PMVK: variants seen among roughly 807,000 people sequenced by gnomAD.
The protein encoded by PMVK is testis tissue sperm-binding protein Li 95mP.
PMVK carries 10 observed loss-of-function variants against 19.0 expected under a neutral mutation model. The ratio of observed to expected loss-of-function variants is 0.53; its 90% CI spans 0.32 to 0.89. PMVK has a LOEUF of 0.89. PMVK is among the 40% of genes least tolerant of loss of function. The pLI is 0.03. For synonymous variants in PMVK, 108 were observed against 101.6 expected (o/e 1.06, Z -0.38); for missense variants, 222 against 251.1 (o/e 0.88, Z 0.78).
At chr1:154,938,024 G>A (rs1326869921), upstream of PMVK, 1 of 152,102 alleles carries the variant, frequency 6.6e-6, no homozygotes, top group Non-Finnish European at 1.5e-5. Flanking sequence ...TATATGACAA[G>A]GTACAATAAA....
In PMVK at chr1:154,932,389, A is replaced by C. The variant is rs754788614; in HGVS notation, c.122T>G (p.Leu41Arg). The change falls in exon 2 of 5, where the codon CTC becomes CGC. Residue 41 changes from leucine to arginine, a missense_variant. Physicochemically the swap from Leu to Arg is moderately radical, Grantham distance 102. Coordinates refer to ENST00000368467, the MANE Select transcript of PMVK (RefSeq NM_006556.4). ...SRLGADVCAV[L>R]RLSGPLKEQY... is the part of the protein sequence containing the mutation. The stretch of plus-strand genomic sequence containing the variant: ...TTCCTTGAGTGGACCAGAGAGCCGG[A>C]GGACAGCACAGACATCAGCTCCAAG... 2.5e-6 allele frequency: 4 copies of C among 1,613,104 alleles called. No homozygotes were observed. The highest frequency in any genetic ancestry group is 3.4e-6 in the Non-Finnish European group (4 of 1,179,438).
intron 1 of PMVK, among the ~76,000 whole-genome samples, chr1:154,933,993 G>A (rs60445215): frequency 0.033 from 5,023 of 151,980 alleles, 84 homozygotes; most frequent in African/African-American, 0.044. Context: ...TACACTTAAC[G>A]CACAGGAAGA....
chr1:154,925,399 A>G, intron 4 of PMVK, 134 bp from the exon 5 acceptor site: 1 of 878,172 alleles, frequency 1.1e-6, no homozygotes, highest in Non-Finnish European at 1.8e-6. Context: ...CTACCCACCC[A>G]GAAGGCACCT....
chr1:154,926,592 A>G, intron 3 of PMVK, 109 bp from the exon 4 acceptor site: 1 of 849,712 alleles, frequency 1.2e-6, no homozygotes, highest in South Asian at 1.7e-5. Flanking sequence ...CTACCCCCCC[A>G]TCATCGTGAG....
intron 1 of PMVK, among the ~76,000 whole-genome samples, chr1:154,935,074 A>C (rs1227135263): frequency 6.6e-6 from 1 of 151,012 alleles, no homozygotes; most frequent in Non-Finnish European, 1.5e-5. Context: ...AAAAAAAAAA[A>C]AAAAAAAAAA....
chr1:154,939,883 G>A (rs1271827429), upstream of PMVK, among the ~76,000 whole-genome samples: 2 of 151,916 alleles, frequency 1.3e-5, no homozygotes, highest in Non-Finnish European at 2.9e-5. Context: ...TCCACCTTCA[G>A]CCTGCTGAGT....
chr1:154,928,542 T>G (rs1654239191), intron 3 of PMVK, among the ~76,000 whole-genome samples: 1 of 152,004 alleles, frequency 6.6e-6, no homozygotes, highest in Admixed American at 6.6e-5. Flanking sequence ...GAGGCCAAGG[T>G]GGGTGGATCA....
At chr1:154,928,901 A>G (rs1571379830) in intron 3 of PMVK, 123 bp downstream of exon 3, 1 of 926,130 alleles carries the variant, frequency 1.1e-6, no homozygotes, top group Non-Finnish European at 1.7e-6. Context: ...GGCTACTGCG[A>G]CTGTCCAGGC....
chr1:154,930,096 GAT>G (rs1238008768), intron 2 of PMVK, among the ~76,000 whole-genome samples: 3 of 152,194 alleles, frequency 2.0e-5, no homozygotes, highest in African/African-American at 7.2e-5. Flanking sequence ...GGGAGTGGGG[GAT>G]AGAGTGGTGC....
the PMVK span, among the ~76,000 whole-genome samples, chr1:154,942,287 C>T: frequency 6.6e-6 from 1 of 152,236 alleles, no homozygotes; most frequent in African/African-American, 2.4e-5. Context: ...ACAAGCTCCC[C>T]GAAGCCCTGC....
chr1:154,929,220 C>T, intron 2 of PMVK, 44 bp from the exon 3 acceptor site: 1 of 1,600,476 alleles, frequency 6.2e-7, no homozygotes, highest in Non-Finnish European at 8.6e-7. Context: ...CTTTCAACCT[C>T]AGTGGTCTCT....
rs191338203 is a variant in PMVK, at chr1:154,924,752, G to A, written c.*377C>T. 6.8e-4 allele frequency: 142 copies of A among 209,876 alleles called. No homozygotes were observed. The highest frequency in any genetic ancestry group is 1.1e-3 in the Non-Finnish European group (116 of 102,968). The allele number at this position is 209,876 out of a possible 1,614,324, so 13.0% of individuals were successfully genotyped here. A position where few individuals can be genotyped will look rare whatever the true frequency, so the allele number is the denominator to read the frequency against. Reference sequence around the variant, plus strand: ...GCAGCTCTGAGAGTGTGCTCCAAGAGGTTTATTAGTATCCACACTGGGGAG... The same window carrying A: ...GCAGCTCTGAGAGTGTGCTCCAAGAAGTTTATTAGTATCCACACTGGGGAG... On this transcript the variant is annotated 3_prime_UTR_variant, in exon 5 of 5. Transcript: ENST00000368467.
At chr1:154,930,953 G>A (rs1250047556) in intron 2 of PMVK, among the ~76,000 whole-genome samples, 1 of 151,640 alleles carries the variant, frequency 6.6e-6, no homozygotes, top group African/African-American at 2.4e-5. Context: ...GCCAGGCATA[G>A]TGGCATGCAC....
chr1:154,927,044 C>T (rs1011752203), intron 3 of PMVK, among the ~76,000 whole-genome samples: 2 of 152,182 alleles, frequency 1.3e-5, no homozygotes, highest in African/African-American at 4.8e-5. Flanking sequence ...CCACAGCCAA[C>T]CCAAGGGCAA....
upstream of PMVK, chr1:154,938,175 T>G (rs1041080534): frequency 7.9e-5 from 12 of 152,266 alleles, no homozygotes; most frequent in Non-Finnish European, 2.9e-5. Context: ...AGTCCACATC[T>G]CCTGTTTTAC....
At chr1:154,930,826 C>T (rs1654312594) in intron 2 of PMVK, among the ~76,000 whole-genome samples, 1 of 152,046 alleles carries the variant, frequency 6.6e-6, no homozygotes, top group Non-Finnish European at 1.5e-5. Context: ...TAGCTCCTGC[C>T]CAAATCCTAG....
rs535919882 is a variant in PMVK, at chr1:154,930,279, G to A, written c.160-1103C>T. Among the ~76,000 whole-genome samples, 117 of 152,220 alleles carry A rather than the reference G, an allele frequency of 7.7e-4. No individual in the cohort carries two copies. The Middle Eastern group carries it at 0.017, about 22-fold the overall frequency. The stretch of plus-strand genomic sequence containing the variant: ...TCAAGACCAGCCTGACCAATATGGT[G>A]AAACCATGTCTCTACTAAAAATACA... On this transcript the variant is annotated intron_variant, in intron 2 of 4. Coordinates refer to ENST00000368467, the MANE Select transcript of PMVK (RefSeq NM_006556.4).
At chr1:154,928,521 C>T (rs563187415) in intron 3 of PMVK, among the ~76,000 whole-genome samples, 1 of 152,292 alleles carries the variant, frequency 6.6e-6, no homozygotes, top group African/African-American at 2.4e-5. Flanking sequence ...CCTGTAATCC[C>T]ACTATTTTGG....
chr1:154,940,754 G>C (rs1451832066), upstream of PMVK, among the ~76,000 whole-genome samples: 1 of 152,116 alleles, frequency 6.6e-6, no homozygotes, highest in Non-Finnish European at 1.5e-5. Flanking sequence ...GCAAGGATTG[G>C]GGGGCCCCAC....
Sources: allele counts gnomAD v4.1 joint callset (sites outside exome capture counted in the v4.1 genomes callset), GRCh38; gene constraint gnomAD v4.1.1; transcripts MANE v1.5; gene names NCBI Gene and HGNC (gene_info 2026-07-23, HGNC 2026-07-21).